Variants in MYO1A observed in about 807,000 individuals in gnomAD.
MYO1A encodes the protein unconventional myosin-Ia.
A neutral mutation model predicts 138.5 loss-of-function variants in MYO1A; 127 were observed. The observed-to-expected ratio is 0.92, with a 90% CI of 0.79 to 1.06. The LOEUF (loss-of-function observed/expected upper bound fraction) is 1.06, where lower values mean the gene tolerates loss of function less well. MYO1A is among the 50% of genes least tolerant of loss of function. The probability of loss-of-function intolerance (pLI) is 0.00; values close to 1 mark genes in which losing one functional copy is unlikely to be tolerated. For missense variants in MYO1A, 1,211 were observed against 1,288.8 expected, an observed-to-expected ratio of 0.94 and a Z score of 0.92; for synonymous variants, 477 against 497.5, an observed-to-expected ratio of 0.96 and a Z score of 0.55.
In MYO1A at chr12:57,047,046, G is replaced by A. The variant is rs762920778; in HGVS notation, c.477+15C>T. On this transcript the variant is annotated intron_variant, in intron 6 of 27. Transcript: ENST00000300119. ...CCCACATCCTCTCTTCCCAGGTGGGGAGACATTTACTCACAAATCGGGAGG... is the reference window on the plus strand; with the variant it reads ...CCCACATCCTCTCTTCCCAGGTGGGAAGACATTTACTCACAAATCGGGAGG... 3.5e-5 allele frequency: 57 copies of A among 1,613,906 alleles called. No homozygotes were observed. The highest frequency in any genetic ancestry group is 6.7e-5 in the African/African-American group (5 of 74,916).
chr12:57,041,468 C>T lies in MYO1A; in HGVS notation c.1128G>A (p.Met376Ile). 2 of 1,613,918 alleles carry T rather than the reference C, an allele frequency of 1.2e-6. No individual in the cohort carries two copies. Among genetic ancestry groups the T allele is most frequent in the Non-Finnish European group, 1.7e-6 (2 of 1,179,796 alleles). The change falls in exon 13 of 28, where the codon ATG (methionine) becomes ATA (isoleucine). Residue 376 changes from methionine (M) to isoleucine (I), a missense_variant. Met to Ile is a conservative substitution (Grantham distance 10). Coordinates refer to ENST00000300119, the MANE Select transcript of MYO1A (RefSeq NM_005379.4). Reference sequence around the variant, plus strand: ...CAAAACCGTAGATATCAAGGACTCCCATTACCTTCTTCTTTTCCCCGATGC... The same window carrying T: ...CAAAACCGTAGATATCAAGGACTCCTATTACCTTCTTCTTTTCCCCGATGC... ...KVGIGEKKKVMGVLDIYGFEI... is the reference protein window; with the variant it reads ...KVGIGEKKKVIGVLDIYGFEI...
intron 17 of MYO1A, 131 bp from the exon 18 acceptor site, chr12:57,038,200 C>T: frequency 8.4e-7 from 1 of 1,183,492 alleles, no homozygotes; most frequent in Non-Finnish European, 1.2e-6. Context: ...ACACTGGCCT[C>T]CCCAGTTTCA....
chr12:57,038,796 C>T lies in MYO1A; in HGVS notation c.1533+13G>A. 2.5e-6 allele frequency: 4 copies of T among 1,614,156 alleles called. No individual in the cohort carries two copies. Among genetic ancestry groups the T allele is most frequent in the Non-Finnish European group, 3.4e-6 (4 of 1,180,022 alleles). On this transcript the variant is annotated intron_variant, in intron 16 of 27. Transcript: ENST00000300119. The stretch of plus-strand genomic sequence containing the variant: ...TGAGCCCTAATCTCTGCCCTCCAGC[C>T]CTGCCATTTCACCTTGCCCGCATAG...
At position 57,043,026 on chromosome 12, in the gene MYO1A, G is replaced by A. The variant is rs753567266; in HGVS notation, c.1098+46C>T. The A allele has an allele frequency of 1.9e-6, 3 of 1,593,394 alleles. No homozygotes were observed. In the South Asian group the frequency reaches 3.3e-5, roughly 18 times the overall value. ...TATAGGGCTGGTGACAGGGCAGGAA[G>A]GTGAGGCAGACAGGAGAGCATGGAG... is the stretch of plus-strand genomic sequence containing the variant. On this transcript the variant is annotated intron_variant, in intron 12 of 27. Transcript: ENST00000300119.
chr12:57,037,686 G>T, intron 18 of MYO1A, 45 bp from the exon 19 acceptor site: 1 of 1,580,942 alleles, frequency 6.3e-7, no homozygotes, highest in Non-Finnish European at 8.7e-7. Flanking sequence ...TATCTCAGGA[G>T]AAAGTCCTCT....
chr12:57,048,242 G>A lies in MYO1A; in HGVS notation c.82C>T (p.Leu28Phe), dbSNP rs2031204810. ...PLVEESLLKN[L>F]QLRYENKEIY... The stretch of plus-strand genomic sequence containing the variant: ...TCCTTGTTTTCATAGCGAAGCTGAA[G>A]ATTCTTGAGCAGTGACTCCTCCACC... The change falls in exon 2 of 28, where the codon CTT (leucine) becomes TTT (phenylalanine). Residue 28 changes from leucine to phenylalanine, a missense_variant. Leu to Phe is a conservative substitution (Grantham distance 22, BLOSUM62 0). Transcript: ENST00000300119. 1.9e-6 allele frequency: 3 copies of A among 1,614,174 alleles called. No individual in the cohort carries two copies. The highest frequency in any genetic ancestry group is 2.5e-6 in the Non-Finnish European group (3 of 1,179,986).
intron 5 of MYO1A, 81 bp downstream of exon 5, chr12:57,047,222 A>G: frequency 6.3e-7 from 1 of 1,576,738 alleles, no homozygotes. Flanking sequence ...GTGATTTTGC[A>G]GCACTGGGGA....
chr12:57,042,841 T>C (rs2030917013), intron 12 of MYO1A, among the ~76,000 whole-genome samples: 2 of 152,222 alleles, frequency 1.3e-5, no homozygotes, highest in African/African-American at 4.8e-5. Flanking sequence ...CATGACTTTT[T>C]ACTTAATTGA....
At position 57,028,995 on chromosome 12, in the gene MYO1A, T is replaced by G; in HGVS notation, c.3006-114A>C. ...AGAGGACTTGAGGCCCCAGAGAACC[T>G]GGGTGGGGGCCTGAGAAACACCTCC... On this transcript the variant is annotated intron_variant, in intron 27 of 27. Coordinates refer to ENST00000300119, the MANE Select transcript of MYO1A (RefSeq NM_005379.4). 3.1e-6 allele frequency: 5 copies of G among 1,594,296 alleles called. No individual in the cohort carries two copies. The South Asian group carries it at 5.6e-5, about 18-fold the overall frequency.
rs2030089480 is a variant in MYO1A, at chr12:57,028,562, C to A, written c.*193G>T. 5 of 663,162 alleles carry A rather than the reference C, an allele frequency of 7.5e-6. No homozygotes were observed. The highest frequency in any genetic ancestry group is 1.3e-5 in the Non-Finnish European group (5 of 397,894). The allele number at this position is 663,162 out of a possible 1,614,324, so 41.1% of individuals were successfully genotyped here. A position where few individuals can be genotyped will look rare whatever the true frequency, so the allele number is the denominator to read the frequency against. On this transcript the variant is annotated 3_prime_UTR_variant, in exon 28 of 28. Coordinates refer to ENST00000300119, the MANE Select transcript of MYO1A (RefSeq NM_005379.4). ...GTTTTATTAGTGTGCAGAGAGGCTG[C>A]GGGTTGGAGGAAGCTACTTTTGGAG... is the stretch of plus-strand genomic sequence containing the variant.
chr12:57,047,555 G>C, intron 4 of MYO1A, 72 bp downstream of exon 4: 1 of 1,554,114 alleles, frequency 6.4e-7, no homozygotes, highest in South Asian at 1.1e-5. Context: ...TCAGGTCTAG[G>C]TCTGGCTTGC....
rs2031176954 is a variant in MYO1A, at chr12:57,047,777, TTCAC to T, written c.231-60_231-57del. The T allele has an allele frequency of 3.1e-6, 5 of 1,606,956 alleles. No homozygotes were observed. In the African/African-American group the frequency reaches 4.0e-5, roughly 13 times the overall value. Reference sequence around the variant, plus strand: ...GTGAAACCAGTTCAAGACACCATCTTTCACTCAATCTCCAGCACGCAGGTTCATC... The same window carrying T: ...GTGAAACCAGTTCAAGACACCATCTTTCAATCTCCAGCACGCAGGTTCATC... On this transcript the variant is annotated intron_variant, in intron 3 of 27. Coordinates refer to ENST00000300119, the MANE Select transcript of MYO1A (RefSeq NM_005379.4).
intron 8 of MYO1A, among the ~76,000 whole-genome samples, chr12:57,045,508 A>C (rs1307549772): frequency 2.0e-5 from 3 of 152,196 alleles, no homozygotes; most frequent in Non-Finnish European, 4.4e-5. Context: ...CAACCAGAAC[A>C]AGACACTAAT....
At chr12:57,033,737 G>C (rs1364554848) in intron 22 of MYO1A, among the ~76,000 whole-genome samples, 1 of 152,132 alleles carries the variant, frequency 6.6e-6, no homozygotes, top group Non-Finnish European at 1.5e-5. Context: ...AAAATGACTT[G>C]ATTTTTGGCA....
In MYO1A at chr12:57,037,602, G is replaced by T. The variant is rs775138972; in HGVS notation, c.2001C>A (p.Ser667=). Residue 667 remains serine (S), a synonymous_variant, in exon 19 of 28, where the codon TCC becomes TCA. Coordinates refer to ENST00000300119, the MANE Select transcript of MYO1A (RefSeq NM_005379.4). ...TCTTGCCAAAGGCCAGCTCCCCCGA[G>T]GACATGCTCAGCTCCCCCAGGACCT... is the stretch of plus-strand genomic sequence containing the variant. ...VEKVLGELSM[S]SGELAFGKTK... is the part of the protein sequence containing the mutation. The T allele has an allele frequency of 5.0e-6, 8 of 1,614,022 alleles. No individual in the cohort carries two copies. In the East Asian group the frequency reaches 8.9e-5, roughly 18 times the overall value.
intron 22 of MYO1A, among the ~76,000 whole-genome samples, chr12:57,031,491 C>A (rs2030284158): frequency 6.6e-6 from 1 of 152,196 alleles, no homozygotes; most frequent in Non-Finnish European, 1.5e-5. Flanking sequence ...GCTCCTGTAG[C>A]TTTCTATTCC....
rs771557046 is a variant in MYO1A at position 57,038,611 on chromosome 12, C to T, written c.1561G>A (p.Asp521Asn). ...KVTYNVTSFI[D>N]KNNDLLFRDL... Reference sequence around the variant, plus strand: ...CGGAAGAGTAGGTCATTATTCTTGTCAATAAAGCTGGTCACGTTGTATGTC... The same window carrying T: ...CGGAAGAGTAGGTCATTATTCTTGTTAATAAAGCTGGTCACGTTGTATGTC... Residue 521 changes from aspartate (D) to asparagine (N), a missense_variant, in exon 17 of 28, where the codon GAC becomes AAC. By Grantham distance (23) the Asp-to-Asn change is conservative. Coordinates refer to ENST00000300119, the MANE Select transcript of MYO1A (RefSeq NM_005379.4). 2 of 1,614,210 alleles carry T rather than the reference C, an allele frequency of 1.2e-6. No individual in the cohort carries two copies. The highest frequency in any genetic ancestry group is 1.1e-5 in the South Asian group (1 of 91,076).
intron 16 of MYO1A, 21 bp downstream of exon 16, chr12:57,038,788 C>T (rs2030715414): frequency 1.2e-6 from 2 of 1,613,964 alleles, no homozygotes; most frequent in African/African-American, 1.3e-5. Context: ...TAATCTCTGC[C>T]CTCCAGCCCT....
In MYO1A at chr12:57,036,341, G is replaced by A. The variant is rs1208831333; in HGVS notation, c.2315C>T (p.Ala772Val). The A allele has an allele frequency of 6.2e-7, 1 of 1,613,838 alleles. No homozygotes were observed. The change falls in exon 22 of 28, where the codon GCC becomes GTC. Residue 772 changes from alanine (A) to valine (V), a missense_variant. Coordinates refer to ENST00000300119, the MANE Select transcript of MYO1A (RefSeq NM_005379.4). Reference sequence around the variant, plus strand: ...GTAGATGAAATCTGCCAAGGTGAGGGCAGCCTCTGACCGGAAATATTTGCG... The same window carrying A: ...GTAGATGAAATCTGCCAAGGTGAGGACAGCCTCTGACCGGAAATATTTGCG... ...NYRKYFRSEA[A>V]LTLADFIYKS...
Sources: gnomAD v4.1 joint callset for allele counts (sites outside exome capture counted in the v4.1 genomes callset) on GRCh38, gnomAD v4.1.1 for gene constraint, MANE v1.5 for transcripts, NCBI Gene and HGNC (gene_info 2026-07-23, HGNC 2026-07-21) for gene names.